ZSCAN5A: variants seen among roughly 807,000 people sequenced by gnomAD.
ZSCAN5A encodes the protein zinc finger and SCAN domain-containing protein 5A.
Under a neutral mutation model 23.7 loss-of-function variants are expected in ZSCAN5A, and 12 were observed. The ratio of observed to expected loss-of-function variants is 0.51; its 90% CI spans 0.32 to 0.82. The LOEUF (loss-of-function observed/expected upper bound fraction) is 0.82. Ranked by LOEUF, ZSCAN5A falls within the 40% of genes least tolerant of loss-of-function variation. The pLI is 0.03. For synonymous variants in ZSCAN5A, 257 were observed against 239.9 expected, an observed-to-expected ratio of 1.07 and a Z score of -0.66; for missense variants, 597 against 617.9, an observed-to-expected ratio of 0.97 and a Z score of 0.36.
chr19:56,291,194 G>A (rs936135753), intron 2 of ZSCAN5A, among the ~76,000 whole-genome samples: 1 of 152,212 alleles, frequency 6.6e-6, no homozygotes, highest in Non-Finnish European at 1.5e-5. Flanking sequence ...GAGGGCCATT[G>A]AGAAGAGAAC....
intron 2 of ZSCAN5A, among the ~76,000 whole-genome samples, chr19:56,261,711 C>T (rs555732387): frequency 6.6e-6 from 1 of 152,170 alleles, no homozygotes; most frequent in East Asian, 1.9e-4. Flanking sequence ...TTTCTTCAGA[C>T]TAATATCCTG....
At chr19:56,368,216 C>CCTTAG (rs1399376660) in exon 1 of ZSCAN5A, 1 of 152,414 alleles carries the variant, frequency 6.6e-6, no homozygotes, top group Non-Finnish European at 1.5e-5. Context: ...TACTTTGTGT[C>CCTTAG]CCAGGTAGCT....
At chr19:56,359,990 A>C (rs1358003177) in intron 2 of ZSCAN5A, among the ~76,000 whole-genome samples, 1 of 152,216 alleles carries the variant, frequency 6.6e-6, no homozygotes, top group African/African-American at 2.4e-5. Context: ...AAAAGCTGGA[A>C]GCACTCCCCT....
At chr19:56,224,442 T>C in intron 3 of ZSCAN5A, 1 of 683,764 alleles carries the variant, frequency 1.5e-6, no homozygotes, top group Non-Finnish European at 2.3e-6. Context: ...TTTGTCATGA[T>C]GGGTTGTCCT....
chr19:56,322,474 C>T (rs2041386790), intron 2 of ZSCAN5A, among the ~76,000 whole-genome samples: 1 of 152,212 alleles, frequency 6.6e-6, no homozygotes, highest in Non-Finnish European at 1.5e-5. Context: ...CTTTACACTT[C>T]ACCAGCTTTT....
At chr19:56,231,316 T>C (rs2034443862) in intron 2 of ZSCAN5A, among the ~76,000 whole-genome samples, 1 of 152,242 alleles carries the variant, frequency 6.6e-6, no homozygotes, top group Non-Finnish European at 1.5e-5. Flanking sequence ...GTTGTATATA[T>C]GTATCAAAAC....
intron 2 of ZSCAN5A, among the ~76,000 whole-genome samples, chr19:56,298,683 A>C (rs994016456): frequency 1.3e-5 from 2 of 152,026 alleles, no homozygotes; most frequent in Non-Finnish European, 2.9e-5. Flanking sequence ...ATAATCCTCT[A>C]TCTATTAAAG....
At chr19:56,238,927 A>T (rs947809659) in intron 2 of ZSCAN5A, among the ~76,000 whole-genome samples, 1 of 152,204 alleles carries the variant, frequency 6.6e-6, no homozygotes. Context: ...GGCAGATTCT[A>T]GTTCATTCCA....
At chr19:56,301,031 A>C (rs1233696191) in intron 2 of ZSCAN5A, among the ~76,000 whole-genome samples, 4 of 152,170 alleles carry the variant, frequency 2.6e-5, no homozygotes, top group Admixed American at 2.6e-4. Flanking sequence ...CAGAGCCTGA[A>C]GCCTGGGGAT....
chr19:56,366,050 G>GT (rs1483686942), intron 1 of ZSCAN5A: 1 of 152,158 alleles, frequency 6.6e-6, no homozygotes, highest in Non-Finnish European at 1.5e-5. Context: ...CCGTCTTGGG[G>GT]TTTTATCAGT....
At position 56,245,167 on chromosome 19, in the gene ZSCAN5A, G is replaced by A. The variant is rs190852334; in HGVS notation, c.-127-19994C>T. ...CATTATGGCAGGACCCAGGGAATAT[G>A]AGAGCTACTTTCAGGTTCTCATAGT... On this transcript the variant is annotated intron_variant, in intron 2 of 5. Transcript: ENST00000683990. 3 of 489,918 alleles carry A rather than the reference G, an allele frequency of 6.1e-6. No individual in the cohort carries two copies. The East Asian group carries it at 1.3e-4, about 20-fold the overall frequency. 30.3% of individuals were successfully genotyped at this position (489,918 alleles called of 1,614,324 possible).
chr19:56,319,751 C>T, upstream of ZSCAN5A: 2 of 733,802 alleles, frequency 2.7e-6, no homozygotes, highest in South Asian at 1.4e-5. Context: ...CACAGATCTG[C>T]TCGGGCCAGT....
intron 2 of ZSCAN5A, among the ~76,000 whole-genome samples, chr19:56,299,232 A>T (rs2147235617): frequency 6.6e-6 from 1 of 152,110 alleles, no homozygotes; most frequent in South Asian, 2.1e-4. Flanking sequence ...CCTAGGCTCA[A>T]GTGATCCTCC....
intron 2 of ZSCAN5A, among the ~76,000 whole-genome samples, chr19:56,294,821 A>G (rs936696423): frequency 6.6e-6 from 1 of 152,270 alleles, no homozygotes; most frequent in African/African-American, 2.4e-5. Flanking sequence ...GTGCTGACAC[A>G]GGACACAACA....
At chr19:56,302,038 G>A in intron 2 of ZSCAN5A, 2 of 1,232,038 alleles carry the variant, frequency 1.6e-6, no homozygotes, top group Non-Finnish European at 2.0e-6. Flanking sequence ...GGAACTTCCT[G>A]AAATGCGCCT....
chr19:56,292,843 T>C (rs1483931556), intron 2 of ZSCAN5A, among the ~76,000 whole-genome samples: 1 of 152,234 alleles, frequency 6.6e-6, no homozygotes, highest in Non-Finnish European at 1.5e-5. Flanking sequence ...TCTGGCTTCA[T>C]CACTCAGCAC....
intron 2 of ZSCAN5A, among the ~76,000 whole-genome samples, chr19:56,234,709 GCC>G (rs74196660): frequency 0.15 from 22,572 of 151,220 alleles, 1,847 homozygotes; most frequent in East Asian, 0.22. Context: ...GGTGCATGCA[GCC>G]CCTGTCACGT....
intron 2 of ZSCAN5A, chr19:56,266,908 T>C (rs1277460820): frequency 6.6e-6 from 1 of 152,358 alleles, no homozygotes; most frequent in Non-Finnish European, 1.5e-5. Flanking sequence ...TTGTTGACAA[T>C]CTGGCCCCTG....
intron 2 of ZSCAN5A, among the ~76,000 whole-genome samples, chr19:56,323,004 C>G (rs1245326252): frequency 6.6e-6 from 1 of 150,542 alleles, no homozygotes; most frequent in Non-Finnish European, 1.5e-5. Flanking sequence ...ACGCCATTCT[C>G]CTGCCTCAGC....
Sources: gnomAD v4.1 joint callset for allele counts (sites outside exome capture counted in the v4.1 genomes callset) on GRCh38, gnomAD v4.1.1 for gene constraint, MANE v1.5 for transcripts, NCBI Gene and HGNC (gene_info 2026-07-23, HGNC 2026-07-21) for gene names.